The following REDIC1 variants were observed in gnomAD, a reference collection of about 807,000 sequenced individuals.
REDIC1 encodes regulator of DNA class I crossover intermediates 1, also known as HEI10 Interacting Protein 1.
the REDIC1 span, among the ~76,000 whole-genome samples, chr12:39,717,223 C>A: frequency 6.6e-6 from 1 of 151,262 alleles, no homozygotes; most frequent in Non-Finnish European, 1.5e-5. Flanking sequence ...GTTAGGGATG[C>A]TGCCCAGTCA....
At chr12:39,675,092 T>C in the REDIC1 span, among the ~76,000 whole-genome samples, 1 of 152,056 alleles carries the variant, frequency 6.6e-6, no homozygotes, top group African/African-American at 2.4e-5. Context: ...TTGGTGGGCA[T>C]GATGAGAGTG....
the REDIC1 span, among the ~76,000 whole-genome samples, chr12:39,686,260 T>G: frequency 6.6e-6 from 1 of 152,232 alleles, no homozygotes; most frequent in Non-Finnish European, 1.5e-5. Flanking sequence ...AGGTTATCCA[T>G]GATAGTTCCA....
At chr12:39,753,952 A>G in the REDIC1 span, among the ~76,000 whole-genome samples, 1 of 152,150 alleles carries the variant, frequency 6.6e-6, no homozygotes, top group Non-Finnish European at 1.5e-5. Flanking sequence ...GACCTCTTAG[A>G]CAATGCATTA....
chr12:39,713,899 A>T, the REDIC1 span, among the ~76,000 whole-genome samples: 1 of 148,590 alleles, frequency 6.7e-6, no homozygotes, highest in Non-Finnish European at 1.5e-5. Context: ...ACTTATACGT[A>T]TATACGTATG....
chr12:39,652,492 G>A, the REDIC1 span, among the ~76,000 whole-genome samples: 1 of 151,908 alleles, frequency 6.6e-6, no homozygotes, highest in African/African-American at 2.4e-5. Context: ...AATGATTTTG[G>A]CATCTTTTCA....
At chr12:39,896,376 ATATG>A in the REDIC1 span, among the ~76,000 whole-genome samples, 46 of 132,794 alleles carry the variant, frequency 3.5e-4, 3 homozygotes, top group African/African-American at 1.1e-3. Context: ...ATGTATACAT[ATATG>A]TATGTATATG....
At chr12:39,703,513 G>A in the REDIC1 span, among the ~76,000 whole-genome samples, 1 of 151,306 alleles carries the variant, frequency 6.6e-6, no homozygotes, top group Admixed American at 6.6e-5. Flanking sequence ...TACTGCCCAA[G>A]GTAATTTACA....
At chr12:39,892,556 C>T in the REDIC1 span, among the ~76,000 whole-genome samples, 3 of 152,246 alleles carry the variant, frequency 2.0e-5, no homozygotes, top group East Asian at 5.8e-4. Context: ...TTTAATTTCA[C>T]TGCTTTCTTG....
chr12:39,678,786 G>A, the REDIC1 span, among the ~76,000 whole-genome samples: 4 of 151,762 alleles, frequency 2.6e-5, no homozygotes, highest in Non-Finnish European at 5.9e-5. Context: ...ATGCAGGGAT[G>A]GTTTAACACA....
At chr12:39,702,893 C>A in the REDIC1 span, among the ~76,000 whole-genome samples, 2 of 152,182 alleles carry the variant, frequency 1.3e-5, no homozygotes, top group Non-Finnish European at 2.9e-5. Context: ...AACCTTCATG[C>A]TAAAAACTCT....
the REDIC1 span, among the ~76,000 whole-genome samples, chr12:39,775,187 TA>T: frequency 7.3e-3 from 1,107 of 152,324 alleles, 14 homozygotes; most frequent in African/African-American, 0.025. Flanking sequence ...GAAGGGTAGT[TA>T]ATGCAATTAA....
the REDIC1 span, among the ~76,000 whole-genome samples, chr12:39,662,573 C>T: frequency 1.2e-4 from 19 of 152,028 alleles, no homozygotes; most frequent in Non-Finnish European, 2.8e-4. Context: ...ATGTCATCTG[C>T]AAAGAGGGAC....
At chr12:39,696,222 G>C in the REDIC1 span, among the ~76,000 whole-genome samples, 1 of 152,090 alleles carries the variant, frequency 6.6e-6, no homozygotes, top group South Asian at 2.1e-4. Context: ...AGACCATCCA[G>C]GAAAGTGACT....
the REDIC1 span, among the ~76,000 whole-genome samples, chr12:39,811,001 G>T: frequency 6.6e-6 from 1 of 151,990 alleles, no homozygotes. Flanking sequence ...TATAGGATTG[G>T]CATTATTTCT....
the REDIC1 span, among the ~76,000 whole-genome samples, chr12:39,873,026 G>A: frequency 1.3e-5 from 2 of 152,110 alleles, no homozygotes; most frequent in East Asian, 3.9e-4. Context: ...TTTTGAATAC[G>A]TTTAAGTCTC....
the REDIC1 span, among the ~76,000 whole-genome samples, chr12:39,847,145 T>A: frequency 1.3e-5 from 2 of 152,296 alleles, no homozygotes; most frequent in East Asian, 3.9e-4. Context: ...GAGAACTAAA[T>A]CGTGAAAGTA....
At chr12:39,871,933 A>C in the REDIC1 span, 2 of 1,609,128 alleles carry the variant, frequency 1.2e-6, no homozygotes, top group South Asian at 1.1e-5. Context: ...TCAACACCAG[A>C]CATCTGCAGA....
chr12:39,816,622 G>A, the REDIC1 span, among the ~76,000 whole-genome samples: 2,250 of 133,064 alleles, frequency 0.017, 27 homozygotes, highest in Middle Eastern at 0.027. Context: ...AGTAATACAA[G>A]AATTATATTA....
At chr12:39,874,284 G>T in the REDIC1 span, among the ~76,000 whole-genome samples, 1 of 152,084 alleles carries the variant, frequency 6.6e-6, no homozygotes, top group African/African-American at 2.4e-5. Flanking sequence ...TGGGTTCACA[G>T]ACATAAGTAC....
Sources: allele counts gnomAD v4.1 joint callset (sites outside exome capture counted in the v4.1 genomes callset), GRCh38; gene constraint gnomAD v4.1.1; transcripts MANE v1.5; gene names NCBI Gene and HGNC (gene_info 2026-07-23, HGNC 2026-07-21).